PTPRT: variants seen among roughly 807,000 people sequenced by gnomAD.
The protein encoded by PTPRT is protein tyrosine phosphatase receptor type T.
A neutral mutation model predicts 176.8 loss-of-function variants in PTPRT; 56 were observed. The ratio of observed to expected loss-of-function variants is 0.32; its 90% CI spans 0.26 to 0.40. The LOEUF is 0.40. Among genes scored for constraint, PTPRT ranks in the 10% least tolerant of loss-of-function variants. PTPRT has a pLI of 1.00. For missense variants in PTPRT, 1,540 were observed against 1,908.2 expected (o/e 0.81, Z 3.60); for synonymous variants, 783 against 739.0 (o/e 1.06, Z -0.96).
intron 1 of PTPRT, among the ~76,000 whole-genome samples, chr20:43,101,903 T>C (rs1038897244): frequency 6.6e-6 from 1 of 152,206 alleles, no homozygotes; most frequent in Non-Finnish European, 1.5e-5. Flanking sequence ...TGCCTGAGAC[T>C]GGATAATTTA....
In PTPRT at chr20:42,293,460, A is replaced by T. The variant is rs1244801832; in HGVS notation, c.2140-10935T>A. Among the ~76,000 whole-genome samples, 3 of 152,172 alleles carry T rather than the reference A, an allele frequency of 2.0e-5. No individual in the cohort carries two copies. The East Asian group carries it at 5.8e-4, about 29-fold the overall frequency. The stretch of plus-strand genomic sequence containing the variant: ...TCTCCTACTTCACTACCTGTTCTTT[A>T]TCCCTTTCTTTGCCTATGTATTTAT... On this transcript the variant is annotated intron_variant, in intron 12 of 30. Coordinates refer to ENST00000373187, the MANE Select transcript of PTPRT (RefSeq NM_007050.6).
chr20:42,916,011 T>C lies in PTPRT; in HGVS notation c.89-30079A>G, dbSNP rs181026333. ...TAAGTTTTAGGGTACAGGTGCACAA[T>C]GTGCAGGTTAGTTACATATGTATAC... On this transcript the variant is annotated intron_variant, in intron 1 of 30. Coordinates refer to ENST00000373187, the MANE Select transcript of PTPRT (RefSeq NM_007050.6). Among the ~76,000 whole-genome samples the C allele has an allele frequency of 5.2e-4, 79 of 152,106 alleles. 2 individuals carry two copies. Among genetic ancestry groups the C allele is most frequent in the African/African-American group, 1.8e-3 (74 of 41,500 alleles).
intron 15 of PTPRT, among the ~76,000 whole-genome samples, chr20:42,223,337 C>T (rs564874942): frequency 6.6e-6 from 1 of 152,104 alleles, no homozygotes; most frequent in Non-Finnish European, 1.5e-5. Context: ...GTTATTGTCC[C>T]CAATTTACAG....
chr20:42,239,383 T>C (rs1266160820), intron 14 of PTPRT, among the ~76,000 whole-genome samples: 2 of 151,168 alleles, frequency 1.3e-5, no homozygotes, highest in East Asian at 1.9e-4. Context: ...GATAGCAACA[T>C]GGCTATAAAG....
intron 1 of PTPRT, among the ~76,000 whole-genome samples, chr20:43,136,476 G>A (rs778933876): frequency 2.6e-5 from 4 of 152,242 alleles, no homozygotes; most frequent in African/African-American, 4.8e-5. Flanking sequence ...TAATAAATAC[G>A]AAAATTTATT....
At chr20:42,662,908 TACA>T (rs1485332067) in intron 7 of PTPRT, among the ~76,000 whole-genome samples, 1 of 152,150 alleles carries the variant, frequency 6.6e-6, no homozygotes, top group African/African-American at 2.4e-5. Flanking sequence ...CTCCAATGGG[TACA>T]ACAATTTCTA....
At chr20:42,465,625 G>GC (rs2071090039) in intron 8 of PTPRT, among the ~76,000 whole-genome samples, 2 of 151,756 alleles carry the variant, frequency 1.3e-5, no homozygotes, top group African/African-American at 4.8e-5. Flanking sequence ...ATATTTTTTT[G>GC]CAAAAAGAAC....
At chr20:42,251,548 A>C (rs746627845) in intron 13 of PTPRT, among the ~76,000 whole-genome samples, 2 of 151,958 alleles carry the variant, frequency 1.3e-5, no homozygotes, top group Admixed American at 1.3e-4. Context: ...TTGTAAATAG[A>C]TACTTGCATA....
chr20:42,574,755 C>T (rs1209286852), intron 7 of PTPRT, among the ~76,000 whole-genome samples: 2 of 152,056 alleles, frequency 1.3e-5, no homozygotes, highest in Non-Finnish European at 2.9e-5. Context: ...AATGGTAATC[C>T]CCACATGTCG....
chr20:42,518,904 C>A (rs2072118714), intron 7 of PTPRT, among the ~76,000 whole-genome samples: 1 of 151,980 alleles, frequency 6.6e-6, no homozygotes, highest in Non-Finnish European at 1.5e-5. Context: ...TATTTATTTT[C>A]CCTGAAATTT....
intron 7 of PTPRT, among the ~76,000 whole-genome samples, chr20:42,536,208 T>C (rs1601216501): frequency 6.6e-6 from 1 of 152,194 alleles, no homozygotes; most frequent in Non-Finnish European, 1.5e-5. Flanking sequence ...AGGAAGACTT[T>C]ATTTTTTCAA....
intron 2 of PTPRT, 105 bp from the exon 3 acceptor site, chr20:42,791,571 G>C (rs1406315724): frequency 1.6e-5 from 21 of 1,277,768 alleles, no homozygotes; most frequent in Non-Finnish European, 2.2e-5. Flanking sequence ...GGAGTGGCCA[G>C]AGATCAAGTC....
rs150383895 is a variant in PTPRT at position 43,109,940 on chromosome 20, A to G, written c.88+79706T>C. Among the ~76,000 whole-genome samples the G allele has an allele frequency of 3.9e-3, 601 of 152,320 alleles. 5 individuals carry two copies. Among genetic ancestry groups the G allele is most frequent in the African/African-American group, 0.014 (576 of 41,580 alleles). Reference sequence around the variant, plus strand: ...GGAGATGAGTCAAGAACAGAGGCAAAGGTTTGACACAAAATGGTAAAAAGC... The same window carrying G: ...GGAGATGAGTCAAGAACAGAGGCAAGGGTTTGACACAAAATGGTAAAAAGC... On this transcript the variant is annotated intron_variant, in intron 1 of 30. Coordinates refer to ENST00000373187, the MANE Select transcript of PTPRT (RefSeq NM_007050.6).
intron 13 of PTPRT, among the ~76,000 whole-genome samples, chr20:42,272,918 G>C (rs1323703955): frequency 1.3e-5 from 2 of 152,136 alleles, no homozygotes; most frequent in African/African-American, 2.4e-5. Context: ...AGGCTTTCTT[G>C]ACTTACTTTG....
rs1555830541 is a variant in PTPRT at position 42,350,226 on chromosome 20, T to TTTG, written c.1865+401_1865+402insCAA. Among the ~76,000 whole-genome samples, 10 of 88,174 alleles carry TTTG rather than the reference T, an allele frequency of 1.1e-4. 1 individual carries two copies. The highest frequency in any genetic ancestry group is 4.5e-4 in the African/African-American group (10 of 22,314). The allele number at this position is 88,174 out of a possible 152,430, so 57.8% of individuals were successfully genotyped here. A position where few individuals can be genotyped will look rare whatever the true frequency, so the allele number is the denominator to read the frequency against. On this transcript the variant is annotated intron_variant, in intron 11 of 30. Coordinates refer to ENST00000373187, the MANE Select transcript of PTPRT (RefSeq NM_007050.6). ...TAGGATGTTTCTTGTTTTTTTTTTT[T>TTTG]TTTTTTTTTTTTTTTTTTTTGAGAC...
At chr20:42,190,949 C>T (rs1391498310) in intron 16 of PTPRT, among the ~76,000 whole-genome samples, 2 of 152,096 alleles carry the variant, frequency 1.3e-5, no homozygotes, top group East Asian at 3.8e-4. Context: ...AAGCCTGTTT[C>T]CTCACCTTTA....
intron 1 of PTPRT, among the ~76,000 whole-genome samples, chr20:43,102,315 CACACAT>C (rs1480848702): frequency 1.3e-5 from 2 of 151,084 alleles, no homozygotes; most frequent in African/African-American, 4.9e-5. Flanking sequence ...CACACACACA[CACACAT>C]ACACTTCCTA....
At chr20:43,070,707 C>T (rs1165636373) in intron 1 of PTPRT, among the ~76,000 whole-genome samples, 2 of 152,164 alleles carry the variant, frequency 1.3e-5, no homozygotes. Flanking sequence ...CCATCATTCT[C>T]GGCAAACTCT....
At chr20:43,134,485 C>T (rs978316342) in intron 1 of PTPRT, among the ~76,000 whole-genome samples, 4 of 152,192 alleles carry the variant, frequency 2.6e-5, no homozygotes, top group Non-Finnish European at 5.9e-5. Flanking sequence ...CAGAATTCCC[C>T]TTACCCCTCA....
Sources: gnomAD v4.1 joint callset for allele counts (sites outside exome capture counted in the v4.1 genomes callset) on GRCh38, gnomAD v4.1.1 for gene constraint, MANE v1.5 for transcripts, NCBI Gene and HGNC (gene_info 2026-07-23, HGNC 2026-07-21) for gene names.